The following L3MBTL4 variants were observed in gnomAD, a reference collection of about 807,000 sequenced individuals.
L3MBTL4 encodes the protein L3MBTL histone methyl-lysine binding protein 4.
In L3MBTL4, 70 loss-of-function variants were observed where a neutral mutation model predicts 84.5. That is an observed-to-expected ratio of 0.83 (90% CI 0.68 to 1.01). The LOEUF is 1.01. L3MBTL4 is among the 50% of genes least tolerant of loss of function. The probability of loss-of-function intolerance (pLI) is 0.00; values close to 1 mark genes in which losing one functional copy is unlikely to be tolerated. For missense variants in L3MBTL4, 715 were observed against 754.8 expected (o/e 0.95, Z 0.62); for synonymous variants, 274 against 259.8 (o/e 1.05, Z -0.52).
chr18:6,385,758 A>G (rs902526160), intron 1 of L3MBTL4, among the ~76,000 whole-genome samples: 3 of 152,214 alleles, frequency 2.0e-5, no homozygotes, highest in African/African-American at 4.8e-5. Context: ...CCCTTTCCCT[A>G]TTCCTAAACC....
chr18:6,201,884 C>G (rs530070484), intron 12 of L3MBTL4, among the ~76,000 whole-genome samples: 1 of 152,142 alleles, frequency 6.6e-6, no homozygotes, highest in South Asian at 2.1e-4. Flanking sequence ...TATAATGTAT[C>G]CCAAAAAAGT....
chr18:6,213,247 C>G lies in L3MBTL4; in HGVS notation c.883G>C (p.Gly295Arg). ...AKVFKMRLPH[G>R]FLPNMKLEVV... The stretch of plus-strand genomic sequence containing the variant: ...TCAAGTTTCATATTTGGCAGAAAAC[C>G]ATGAGGCAACCTCTGTAAATGTTAT... Residue 295 changes from glycine (G) to arginine (R), a missense_variant, in exon 12 of 19, where the codon GGT becomes CGT. Gly to Arg is a moderately radical substitution (Grantham distance 125). Coordinates refer to ENST00000317931, the MANE Select transcript of L3MBTL4 (RefSeq NM_001330559.2). 6.3e-7 allele frequency: 1 copy of G among 1,598,906 alleles called. No homozygotes were observed. The highest frequency in any genetic ancestry group is 1.7e-5 in the Admixed American group (1 of 58,646).
chr18:6,027,846 G>T (rs185489822), intron 16 of L3MBTL4, among the ~76,000 whole-genome samples: 28 of 152,316 alleles, frequency 1.8e-4, no homozygotes, highest in African/African-American at 6.7e-4. Context: ...TTAGAGAAGT[G>T]TCTGTTCATA....
intron 15 of L3MBTL4, among the ~76,000 whole-genome samples, chr18:6,089,567 G>A (rs185102443): frequency 2.0e-5 from 3 of 152,286 alleles, no homozygotes; most frequent in East Asian, 1.9e-4. Flanking sequence ...CTAGTCTAAC[G>A]TAGTTGAATT....
chr18:6,131,412 T>A (rs952233987), intron 14 of L3MBTL4, among the ~76,000 whole-genome samples: 2 of 152,216 alleles, frequency 1.3e-5, no homozygotes, highest in Non-Finnish European at 2.9e-5. Context: ...ATTCTTCTTT[T>A]TCTTAAATAT....
chr18:6,068,728 T>C (rs901313533), intron 16 of L3MBTL4, among the ~76,000 whole-genome samples: 18 of 152,208 alleles, frequency 1.2e-4, no homozygotes, highest in African/African-American at 3.9e-4. Flanking sequence ...AAGGACCCCC[T>C]TTCCAAGCCC....
chr18:6,383,531 C>T (rs1440854300), intron 1 of L3MBTL4, among the ~76,000 whole-genome samples: 1 of 152,146 alleles, frequency 6.6e-6, no homozygotes, highest in Admixed American at 6.5e-5. Flanking sequence ...TCCTCAGGCT[C>T]AGTCCCTCAT....
chr18:6,255,724 T>C (rs2048109422), intron 5 of L3MBTL4, among the ~76,000 whole-genome samples: 1 of 151,354 alleles, frequency 6.6e-6, no homozygotes, highest in Non-Finnish European at 1.5e-5. Context: ...GGGAGTACTG[T>C]TAAATACCAG....
chr18:6,073,101 G>C (rs1048084173), intron 16 of L3MBTL4, among the ~76,000 whole-genome samples: 2 of 150,346 alleles, frequency 1.3e-5, no homozygotes, highest in African/African-American at 4.9e-5. Flanking sequence ...CCAAAAATTG[G>C]TCCATTGTAA....
intron 12 of L3MBTL4, among the ~76,000 whole-genome samples, chr18:6,206,324 C>T (rs1392534994): frequency 6.6e-6 from 1 of 152,194 alleles, no homozygotes; most frequent in Middle Eastern, 3.2e-3. Context: ...ACAACTAGTG[C>T]TACATCATCA....
chr18:6,190,953 G>A (rs2045051655), intron 12 of L3MBTL4, among the ~76,000 whole-genome samples: 1 of 152,188 alleles, frequency 6.6e-6, no homozygotes, highest in Non-Finnish European at 1.5e-5. Flanking sequence ...AGTCTAGTTT[G>A]GCTGGAGTAG....
chr18:5,965,107 A>G (rs2052280502), intron 17 of L3MBTL4, among the ~76,000 whole-genome samples: 3 of 152,222 alleles, frequency 2.0e-5, no homozygotes, highest in Admixed American at 1.3e-4. Context: ...ACCAAAGTTT[A>G]ACAAAGCAAC....
intron 4 of L3MBTL4, among the ~76,000 whole-genome samples, chr18:6,285,191 G>A (rs2049514139): frequency 6.6e-6 from 1 of 152,214 alleles, no homozygotes; most frequent in Admixed American, 6.5e-5. Context: ...CAGGGAGGCA[G>A]CCGGATGGTG....
At chr18:6,335,961 C>T (rs2052315290) in intron 1 of L3MBTL4, among the ~76,000 whole-genome samples, 1 of 152,170 alleles carries the variant, frequency 6.6e-6, no homozygotes, top group South Asian at 2.1e-4. Flanking sequence ...TATGTAGTCA[C>T]TCCTTAATTC....
intron 1 of L3MBTL4, among the ~76,000 whole-genome samples, chr18:6,374,746 G>A (rs866759012): frequency 2.6e-5 from 4 of 152,066 alleles, no homozygotes; most frequent in Middle Eastern, 3.4e-3. Flanking sequence ...TCTCCTCATC[G>A]TAAGAAAGCT....
At chr18:6,081,989 A>ACTTC (rs1283052483) in intron 15 of L3MBTL4, among the ~76,000 whole-genome samples, 1 of 152,180 alleles carries the variant, frequency 6.6e-6, no homozygotes, top group Non-Finnish European at 1.5e-5. Flanking sequence ...TACTAACCAC[A>ACTTC]TGTACTTAAT....
chr18:6,288,587 G>A (rs969914498), intron 4 of L3MBTL4, among the ~76,000 whole-genome samples: 4 of 151,968 alleles, frequency 2.6e-5, no homozygotes, highest in Non-Finnish European at 5.9e-5. Flanking sequence ...TGATAAATAA[G>A]ATCAATTTAA....
intron 1 of L3MBTL4, among the ~76,000 whole-genome samples, chr18:6,379,527 G>A (rs1408357638): frequency 9.2e-5 from 14 of 152,224 alleles, no homozygotes; most frequent in Admixed American, 7.2e-4. Context: ...TTAGCATGAA[G>A]GCAAGTTGAA....
intron 10 of L3MBTL4, among the ~76,000 whole-genome samples, chr18:6,220,263 A>C (rs1027995415): frequency 5.9e-5 from 9 of 152,126 alleles, no homozygotes; most frequent in African/African-American, 1.4e-4. Context: ...CACAGGGGAA[A>C]AGCAAGTGCT....
Sources: allele counts gnomAD v4.1 joint callset (sites outside exome capture counted in the v4.1 genomes callset), GRCh38; gene constraint gnomAD v4.1.1; transcripts MANE v1.5; gene names NCBI Gene and HGNC (gene_info 2026-07-23, HGNC 2026-07-21).